KCNQ1: variants seen among roughly 807,000 people sequenced by gnomAD.
KCNQ1 encodes potassium voltage-gated channel subfamily KQT member 1.
KCNQ1 carries 49 observed loss-of-function variants against 72.4 expected under a neutral mutation model. The observed-to-expected ratio is 0.68, with a 90% CI of 0.54 to 0.86. The LOEUF is 0.86. Ranked by LOEUF, KCNQ1 falls within the 40% of genes least tolerant of loss-of-function variation. The probability of loss-of-function intolerance (pLI) is 0.00; values close to 1 mark genes in which losing one functional copy is unlikely to be tolerated. For missense variants in KCNQ1, 790 were observed against 945.1 expected, an observed-to-expected ratio of 0.84 and a Z score of 2.15; for synonymous variants, 450 against 412.6, an observed-to-expected ratio of 1.09 and a Z score of -1.10.
intron 15 of KCNQ1, among the ~76,000 whole-genome samples, chr11:2,820,133 T>C (rs549044912): frequency 1.6e-4 from 25 of 152,332 alleles, no homozygotes; most frequent in Non-Finnish European, 2.1e-4. Context: ...TGTTTTGGTG[T>C]TCTTTTTCTA....
intron 11 of KCNQ1, among the ~76,000 whole-genome samples, chr11:2,700,220 A>G (rs924475319): frequency 6.6e-6 from 1 of 152,124 alleles, no homozygotes; most frequent in Non-Finnish European, 1.5e-5. Context: ...CGCATGAGGC[A>G]CTGGCTGGGT....
rs1849951608 is a variant in KCNQ1, at chr11:2,661,296, T to A, written c.1394-665T>A. 2.5e-6 allele frequency: 1 copy of A among 400,728 alleles called. No homozygotes were observed. The allele number at this position is 400,728 out of a possible 1,614,324, so 24.8% of individuals were successfully genotyped here. A position where few individuals can be genotyped will look rare whatever the true frequency, so the allele number is the denominator to read the frequency against. ...ATAAGCCAAGAGCAAATACTGATAG[T>A]GTCAACAGAGAGTGGGGAGTGATAA... On this transcript the variant is annotated intron_variant, in intron 10 of 15. Transcript: ENST00000155840. The surrounding 1 kb of genome is among the most constrained non-coding windows in gnomAD (Gnocchi z 5.9).
rs1376641237 is a variant in KCNQ1, at chr11:2,451,179, T to C, written c.386+5695T>C. Among the ~76,000 whole-genome samples, 2 of 152,166 alleles carry C rather than the reference T, an allele frequency of 1.3e-5. No individual in the cohort carries two copies. The highest frequency in any genetic ancestry group is 1.3e-4 in the Admixed American group (2 of 15,276). ...CCTTTTTAGTACCAGAGACCTGTTT[T>C]ATGGAAGAAAGATTTTTCCACCCGG... is the stretch of plus-strand genomic sequence containing the variant. On this transcript the variant is annotated intron_variant, in intron 1 of 15. Coordinates refer to ENST00000155840, the MANE Select transcript of KCNQ1 (RefSeq NM_000218.3). The surrounding 1 kb of genome is among the most constrained non-coding windows in gnomAD (Gnocchi z 6.4).
intron 15 of KCNQ1, among the ~76,000 whole-genome samples, chr11:2,822,416 G>T (rs1300329076): frequency 1.3e-5 from 2 of 152,190 alleles, no homozygotes; most frequent in African/African-American, 4.8e-5. Context: ...GGAGGTGGAG[G>T]TGGGGAAATG....
intron 1 of KCNQ1, among the ~76,000 whole-genome samples, chr11:2,510,096 C>T (rs1847173736): frequency 6.6e-6 from 1 of 150,902 alleles, no homozygotes; most frequent in South Asian, 2.1e-4. Flanking sequence ...ATAGCAAGAC[C>T]CCATCTCTAA....
intron 2 of KCNQ1, among the ~76,000 whole-genome samples, chr11:2,540,183 C>T (rs552543242): frequency 3.3e-5 from 5 of 152,270 alleles, no homozygotes; most frequent in Admixed American, 6.5e-5. Flanking sequence ...TCTCCTCTGA[C>T]GCTGGGCAGC....
Position 2,447,587 on chromosome 11 carries a change from G to A in KCNQ1, c.386+2103G>A, listed in dbSNP as rs910977738. Among the ~76,000 whole-genome samples the A allele has an allele frequency of 2.0e-5, 3 of 152,128 alleles. No homozygotes were observed. Among genetic ancestry groups the A allele is most frequent in the African/African-American group, 7.2e-5 (3 of 41,418 alleles). On this transcript the variant is annotated intron_variant, in intron 1 of 15. Transcript: ENST00000155840. The surrounding 1 kb of genome is among the most constrained non-coding windows in gnomAD (Gnocchi z 7.6). The stretch of plus-strand genomic sequence containing the variant: ...TCTCTTGAGGGGAGACCTGGTCATA[G>A]AACCAGGATGGCAGAGTAGCTGGAG...
At chr11:2,583,212 T>C (rs563154360) in intron 6 of KCNQ1, among the ~76,000 whole-genome samples, 9 of 152,238 alleles carry the variant, frequency 5.9e-5, no homozygotes, top group African/African-American at 1.7e-4. Flanking sequence ...TCCTTACATG[T>C]GCTGGTGGGA....
At chr11:2,800,580 C>T (rs551007400) in intron 15 of KCNQ1, among the ~76,000 whole-genome samples, 5 of 152,330 alleles carry the variant, frequency 3.3e-5, no homozygotes, top group East Asian at 3.9e-4. Context: ...ATTGAGGTGG[C>T]GTTTACAGAA....
rs1851067710 is a variant in KCNQ1, at chr11:2,715,002, C to G, written c.1514+52921C>G. On this transcript the variant is annotated intron_variant, in intron 11 of 15. Transcript: ENST00000155840. The surrounding 1 kb of genome is among the most constrained non-coding windows in gnomAD (Gnocchi z 4.9). ...TAGCCAGGGCCAGGTGTCACACAAGCAGAGCTCCAGGGTGCAGCTGGGCAG... is the reference window on the plus strand; with the variant it reads ...TAGCCAGGGCCAGGTGTCACACAAGGAGAGCTCCAGGGTGCAGCTGGGCAG... Among the ~76,000 whole-genome samples the G allele has an allele frequency of 6.6e-6, 1 of 152,038 alleles. No homozygotes were observed. Among genetic ancestry groups the G allele is most frequent in the Admixed American group, 6.5e-5 (1 of 15,274 alleles).
At position 2,793,691 on chromosome 11, in the gene KCNQ1, G is replaced by A. The variant is rs1051468725; in HGVS notation, c.1794+15654G>A. On this transcript the variant is annotated intron_variant, in intron 15 of 15. Transcript: ENST00000155840. ...TTCTGGAGGGATGGAGGGACCAGAA[G>A]TCACAAGGAGCAGAAAGGAAAAAAG... is the stretch of plus-strand genomic sequence containing the variant. Among the ~76,000 whole-genome samples the A allele has an allele frequency of 5.3e-5, 8 of 152,110 alleles. No homozygotes were observed. In the East Asian group the frequency reaches 1.5e-3, roughly 29 times the overall value.
chr11:2,483,810 G>A lies in KCNQ1; in HGVS notation c.386+38326G>A, dbSNP rs1275925623. Among the ~76,000 whole-genome samples the A allele has an allele frequency of 6.6e-6, 1 of 152,184 alleles. No homozygotes were observed. Among genetic ancestry groups the A allele is most frequent in the Non-Finnish European group, 1.5e-5 (1 of 68,038 alleles). On this transcript the variant is annotated intron_variant, in intron 1 of 15. Coordinates refer to ENST00000155840, the MANE Select transcript of KCNQ1 (RefSeq NM_000218.3). This position sits in a 1 kb window ranked among gnomAD's most constrained non-coding sequence, Gnocchi z 6.1. ...TGACCACTCAGGTAGGAGTGTGTCAGCTGGGCTTCTCAGCTGTAAATTAAC... is the reference window on the plus strand; with the variant it reads ...TGACCACTCAGGTAGGAGTGTGTCAACTGGGCTTCTCAGCTGTAAATTAAC...
chr11:2,461,610 C>T, intron 1 of KCNQ1: 1 of 1,362,896 alleles, frequency 7.3e-7, no homozygotes, highest in Non-Finnish European at 9.8e-7. Flanking sequence ...CCTGCTCTCA[C>T]CCACAACTCC....
intron 10 of KCNQ1, chr11:2,643,066 C>T (rs1484045753): frequency 2.5e-6 from 1 of 397,772 alleles, no homozygotes; most frequent in Non-Finnish European, 4.4e-6. Flanking sequence ...TAAAATCATA[C>T]TTAGTGTCCT....
In KCNQ1 at chr11:2,658,193, A is replaced by G. The variant is rs577086229; in HGVS notation, c.1394-3768A>G. Reference sequence around the variant, plus strand: ...AGAAACTGTGAAGTTTCTGAGTTTCACTAACTAATTTCAGCATTCATTCAT... The same window carrying G: ...AGAAACTGTGAAGTTTCTGAGTTTCGCTAACTAATTTCAGCATTCATTCAT... On this transcript the variant is annotated intron_variant, in intron 10 of 15. Transcript: ENST00000155840. The surrounding 1 kb of genome is among the most constrained non-coding windows in gnomAD (Gnocchi z 4.9). 1.0e-5 allele frequency: 4 copies of G among 398,606 alleles called. No individual in the cohort carries two copies. In the South Asian group the frequency reaches 5.1e-4, roughly 51 times the overall value. 24.7% of individuals were successfully genotyped at this position (398,606 alleles called of 1,614,324 possible). A position where few individuals can be genotyped will look rare whatever the true frequency, so the allele number is the denominator to read the frequency against.
Position 2,468,778 on chromosome 11 carries a change from C to T in KCNQ1, c.386+23294C>T, listed in dbSNP as rs374058880. Among the ~76,000 whole-genome samples, 3 of 152,290 alleles carry T rather than the reference C, an allele frequency of 2.0e-5. No homozygotes were observed. The highest frequency in any genetic ancestry group is 3.9e-4 in the East Asian group (2 of 5,186). On this transcript the variant is annotated intron_variant, in intron 1 of 15. Coordinates refer to ENST00000155840, the MANE Select transcript of KCNQ1 (RefSeq NM_000218.3). The surrounding 1 kb of genome is among the most constrained non-coding windows in gnomAD (Gnocchi z 5.7). ...GTTGTTTGGGTAGAGCCTACTTTGC[C>T]GATCCATGCACCTGTTGATGGACAT...
At position 2,566,181 on chromosome 11, in the gene KCNQ1, C is replaced by T. The variant is rs1344407835; in HGVS notation, c.478-4447C>T. Among the ~76,000 whole-genome samples the T allele has an allele frequency of 6.6e-6, 1 of 152,168 alleles. No individual in the cohort carries two copies. Among genetic ancestry groups the T allele is most frequent in the Non-Finnish European group, 1.5e-5 (1 of 68,038 alleles). On this transcript the variant is annotated intron_variant, in intron 2 of 15. Coordinates refer to ENST00000155840, the MANE Select transcript of KCNQ1 (RefSeq NM_000218.3). This position sits in a 1 kb window ranked among gnomAD's most constrained non-coding sequence, Gnocchi z 6.7. The stretch of plus-strand genomic sequence containing the variant: ...AGGGCCACTTTTGCAGCCTGGTGTC[C>T]TTATCTCATGTCTGGGTCCCCTTTG...
chr11:2,539,779 T>C (rs1847794039), intron 2 of KCNQ1, among the ~76,000 whole-genome samples: 1 of 152,220 alleles, frequency 6.6e-6, no homozygotes, highest in Admixed American at 6.5e-5. Context: ...GATTAGAGTG[T>C]GCGGCCATGG....
At chr11:2,571,465 C>T (rs928785349) in intron 4 of KCNQ1, 62 bp downstream of exon 4, 13 of 1,410,450 alleles carry the variant, frequency 9.2e-6, no homozygotes, top group African/African-American at 5.6e-5. Flanking sequence ...CCTCCTGAGC[C>T]GCGGGTGGTC....
Sources: allele counts gnomAD v4.1 joint callset (sites outside exome capture counted in the v4.1 genomes callset), GRCh38; gene constraint gnomAD v4.1.1; non-coding constraint Gnocchi (gnomAD v3.1); transcripts MANE v1.5; gene names NCBI Gene and HGNC (gene_info 2026-07-23, HGNC 2026-07-21).